Variants in KLHL1 observed in about 807,000 individuals in gnomAD.
KLHL1 encodes kelch like family member 1, also known as kelch-like protein 1.
In KLHL1, 47 loss-of-function variants were observed where a neutral mutation model predicts 77.7. That is an observed-to-expected ratio of 0.60 (90% confidence interval 0.48 to 0.77). The LOEUF is 0.77. Among genes scored for constraint, KLHL1 ranks in the 30% least tolerant of loss-of-function variants. The probability of loss-of-function intolerance (pLI) is 0.00; values close to 1 mark genes in which losing one functional copy is unlikely to be tolerated. For synonymous variants in KLHL1, 360 were observed against 325.2 expected (o/e 1.11, Z -1.15); for missense variants, 925 against 910.8 (o/e 1.02, Z -0.20).
chr13:69,746,544 A>G (rs1055082684), intron 7 of KLHL1, among the ~76,000 whole-genome samples: 9 of 151,994 alleles, frequency 5.9e-5, no homozygotes, highest in Non-Finnish European at 1.3e-4. Flanking sequence ...TTTATACTCA[A>G]TGTAATAACT....
intron 7 of KLHL1, among the ~76,000 whole-genome samples, chr13:69,789,476 G>A (rs1367693127): frequency 6.6e-6 from 1 of 152,088 alleles, no homozygotes; most frequent in Non-Finnish European, 1.5e-5. Context: ...GTGAAATAGG[G>A]AAATTTAGTT....
At chr13:69,972,183 T>A (rs1884400904) in intron 2 of KLHL1, among the ~76,000 whole-genome samples, 2 of 151,996 alleles carry the variant, frequency 1.3e-5, no homozygotes, top group Admixed American at 6.6e-5. Context: ...TATTTATATA[T>A]GTTGTTTAGG....
chr13:69,737,780 C>T (rs898650195), intron 8 of KLHL1, among the ~76,000 whole-genome samples: 2 of 152,178 alleles, frequency 1.3e-5, no homozygotes, highest in African/African-American at 2.4e-5. Flanking sequence ...GCTGTAGTAT[C>T]ACGCATCAGT....
intron 1 of KLHL1, among the ~76,000 whole-genome samples, chr13:70,084,581 C>T (rs1326080871): frequency 7.6e-6 from 1 of 131,590 alleles, no homozygotes; most frequent in African/African-American, 2.8e-5. Flanking sequence ...GCCTCAGCCT[C>T]CCGAGTAGCT....
intron 6 of KLHL1, among the ~76,000 whole-genome samples, chr13:69,837,187 C>T (rs1210181900): frequency 6.6e-6 from 1 of 151,472 alleles, no homozygotes; most frequent in African/African-American, 2.4e-5. Context: ...TCTTTCCCAC[C>T]CACTAATTTT....
chr13:69,840,063 T>A (rs1048462085), intron 5 of KLHL1, among the ~76,000 whole-genome samples: 1 of 151,942 alleles, frequency 6.6e-6, no homozygotes, highest in African/African-American at 2.4e-5. Flanking sequence ...AAAAAAATTG[T>A]ACCACATCTG....
chr13:70,065,802 A>C (rs1054525735), intron 1 of KLHL1, among the ~76,000 whole-genome samples: 2 of 152,128 alleles, frequency 1.3e-5, no homozygotes, highest in Non-Finnish European at 2.9e-5. Context: ...GTTTATGTAA[A>C]GGCTTAGCAG....
chr13:70,076,932 T>TCACTTGGC (rs1248665462), intron 1 of KLHL1, among the ~76,000 whole-genome samples: 6 of 151,936 alleles, frequency 3.9e-5, no homozygotes, highest in African/African-American at 7.3e-5. Context: ...TATACCACTA[T>TCACTTGGC]ATATTTATTA....
chr13:69,731,358 T>G (rs80348453), intron 8 of KLHL1, among the ~76,000 whole-genome samples: 128 of 152,306 alleles, frequency 8.4e-4, no homozygotes, highest in Non-Finnish European at 1.5e-3. Context: ...AATATTTTAA[T>G]TCCTTCTAGA....
intron 1 of KLHL1, among the ~76,000 whole-genome samples, chr13:70,001,766 A>C (rs757011190): frequency 3.3e-5 from 5 of 151,586 alleles, no homozygotes; most frequent in Non-Finnish European, 7.4e-5. Context: ...TAATAAAACT[A>C]TGTCAGTAGA....
intron 8 of KLHL1, among the ~76,000 whole-genome samples, chr13:69,740,172 G>T (rs1189305460): frequency 1.3e-5 from 2 of 152,146 alleles, no homozygotes; most frequent in African/African-American, 4.8e-5. Context: ...ATATTCCCAT[G>T]AAATGTATTT....
chr13:70,094,004 G>T (rs900609866), intron 1 of KLHL1, among the ~76,000 whole-genome samples: 3 of 151,918 alleles, frequency 2.0e-5, no homozygotes, highest in East Asian at 1.9e-4. Context: ...AGTAGTATAC[G>T]GTAAAGGGCT....
chr13:69,821,659 T>C (rs1878341705), intron 6 of KLHL1, among the ~76,000 whole-genome samples: 2 of 152,136 alleles, frequency 1.3e-5, no homozygotes, highest in South Asian at 4.1e-4. Context: ...AGAAAGAAAT[T>C]AATTACATTT....
chr13:69,943,355 C>G (rs1883422183), intron 3 of KLHL1, among the ~76,000 whole-genome samples: 1 of 151,846 alleles, frequency 6.6e-6, no homozygotes, highest in South Asian at 2.1e-4. Context: ...ATGACTTTCA[C>G]TGAAAGTAAG....
chr13:70,090,191 T>C (rs770981695), intron 1 of KLHL1, among the ~76,000 whole-genome samples: 10 of 152,060 alleles, frequency 6.6e-5, no homozygotes, highest in Admixed American at 6.6e-5. Flanking sequence ...GAAATGGCAA[T>C]GTAACTAAAT....
intron 4 of KLHL1, among the ~76,000 whole-genome samples, chr13:69,928,327 A>G (rs1882883328): frequency 6.6e-6 from 1 of 152,200 alleles, no homozygotes; most frequent in Non-Finnish European, 1.5e-5. Context: ...AAACTTAAAC[A>G]TCCGATTCCC....
rs147826809 is a variant in KLHL1, at chr13:69,931,899, G to T, written c.1014+8141C>A. Among the ~76,000 whole-genome samples the T allele has an allele frequency of 1.5e-3, 229 of 151,770 alleles. 1 individual carries two copies. Among genetic ancestry groups the T allele is most frequent in the Middle Eastern group, 6.8e-3 (2 of 294 alleles). The stretch of plus-strand genomic sequence containing the variant: ...AATCATCATGGATGCATCTTGTTAT[G>T]CATTTGTTTCTTATTAAATTTTCTA... On this transcript the variant is annotated intron_variant, in intron 4 of 10. Coordinates refer to ENST00000377844, the MANE Select transcript of KLHL1 (RefSeq NM_020866.3).
At chr13:70,103,742 C>T (rs117190638) in intron 1 of KLHL1, among the ~76,000 whole-genome samples, 79 of 152,198 alleles carry the variant, frequency 5.2e-4, no homozygotes, top group Non-Finnish European at 1.0e-3. Context: ...CAAACTAATT[C>T]GTAGAAAGCT....
At chr13:69,706,558 C>A (rs1451762688) in intron 10 of KLHL1, among the ~76,000 whole-genome samples, 1 of 151,844 alleles carries the variant, frequency 6.6e-6, no homozygotes, top group Non-Finnish European at 1.5e-5. Flanking sequence ...TGACCAAAAT[C>A]AGATCCTTCC....
Sources: allele counts gnomAD v4.1 joint callset (sites outside exome capture counted in the v4.1 genomes callset), GRCh38; gene constraint gnomAD v4.1.1; transcripts MANE v1.5; gene names NCBI Gene and HGNC (gene_info 2026-07-23, HGNC 2026-07-21).